ASIC2: variants seen among roughly 807,000 people sequenced by gnomAD.
The protein encoded by ASIC2 is acid sensing ion channel subunit 2, also known as acid-sensing ion channel 2.
A neutral mutation model predicts 57.3 loss-of-function variants in ASIC2; 25 were observed. That is an observed-to-expected ratio of 0.44 (90% CI 0.32 to 0.61). ASIC2 has a LOEUF of 0.61. Among genes scored for constraint, ASIC2 ranks in the 20% least tolerant of loss-of-function variants. The pLI, the probability that ASIC2 is intolerant of heterozygous loss-of-function variation, is 0.06. For synonymous variants in ASIC2, 319 were observed against 307.5 expected (o/e 1.04, Z -0.39); for missense variants, 641 against 738.1 (o/e 0.87, Z 1.52).
chr17:33,613,533 T>G (rs1488916141), intron 1 of ASIC2, among the ~76,000 whole-genome samples: 4 of 148,292 alleles, frequency 2.7e-5, no homozygotes, highest in African/African-American at 1.0e-4. Context: ...CCCAGCTAAT[T>G]TTTTGTGTTT....
chr17:33,721,075 T>C (rs566936871), intron 1 of ASIC2, among the ~76,000 whole-genome samples: 1 of 152,284 alleles, frequency 6.6e-6, no homozygotes, highest in South Asian at 2.1e-4. Flanking sequence ...CCTCTACTCC[T>C]TAGAACATAG....
At chr17:34,003,794 C>G (rs1214580323) in intron 1 of ASIC2, 1 of 152,268 alleles carries the variant, frequency 6.6e-6, no homozygotes, top group Non-Finnish European at 1.5e-5. Flanking sequence ...CTGCCTCTGA[C>G]CACAGCGAGC....
intron 1 of ASIC2, among the ~76,000 whole-genome samples, chr17:33,595,673 T>G (rs1454721478): frequency 6.6e-6 from 1 of 152,272 alleles, no homozygotes; most frequent in Non-Finnish European, 1.5e-5. Context: ...GGTAAGTTAC[T>G]CAGCATCCCT....
At chr17:33,149,956 A>T (rs913345872) in intron 1 of ASIC2, among the ~76,000 whole-genome samples, 5 of 152,182 alleles carry the variant, frequency 3.3e-5, no homozygotes, top group African/African-American at 1.2e-4. Context: ...CAGATAATTC[A>T]TGAGGTTCAT....
intron 1 of ASIC2, among the ~76,000 whole-genome samples, chr17:33,332,609 G>T (rs375150361): frequency 1.3e-5 from 2 of 152,084 alleles, no homozygotes; most frequent in African/African-American, 2.4e-5. Context: ...TCAGATTCAC[G>T]GCCAGGCATG....
At chr17:33,070,236 A>G in intron 3 of ASIC2, among the ~76,000 whole-genome samples, 1 of 152,246 alleles carries the variant, frequency 6.6e-6, no homozygotes, top group Non-Finnish European at 1.5e-5. Context: ...TGTTGTTATT[A>G]TTTAAGCATT....
intron 1 of ASIC2, among the ~76,000 whole-genome samples, chr17:33,391,121 G>A (rs1037103477): frequency 1.1e-4 from 16 of 152,202 alleles, no homozygotes; most frequent in Admixed American, 7.2e-4. Context: ...CAGAATATGA[G>A]AGCTGAAATG....
At chr17:33,990,156 A>G (rs1368133033) in intron 1 of ASIC2, among the ~76,000 whole-genome samples, 1 of 152,202 alleles carries the variant, frequency 6.6e-6, no homozygotes, top group African/African-American at 2.4e-5. Context: ...CATCCAGAGA[A>G]GCAGCAGTAT....
intron 1 of ASIC2, among the ~76,000 whole-genome samples, chr17:33,481,603 A>T (rs1447683308): frequency 6.6e-6 from 1 of 152,148 alleles, no homozygotes; most frequent in South Asian, 2.1e-4. Flanking sequence ...TGTTTGAGAA[A>T]TAGTCGTTGA....
intron 1 of ASIC2, among the ~76,000 whole-genome samples, chr17:33,390,764 T>G (rs1504577): frequency 0.96 from 146,128 of 152,326 alleles, 70,139 homozygotes; most frequent in East Asian, 0.98. Context: ...GCACGGGACA[T>G]CATGCAAGAC....
intron 1 of ASIC2, among the ~76,000 whole-genome samples, chr17:33,655,249 G>C (rs1464436367): frequency 1.3e-5 from 2 of 152,180 alleles, no homozygotes; most frequent in Admixed American, 6.5e-5. Context: ...CGTTGCCTTG[G>C]AGATTACTGT....
intron 1 of ASIC2, among the ~76,000 whole-genome samples, chr17:33,229,455 C>T (rs1268219631): frequency 6.6e-6 from 1 of 152,168 alleles, no homozygotes; most frequent in Non-Finnish European, 1.5e-5. Flanking sequence ...TGGCTACACG[C>T]AGGGCAGAGA....
intron 1 of ASIC2, among the ~76,000 whole-genome samples, chr17:34,088,882 C>G (rs901599637): frequency 2.0e-5 from 3 of 152,192 alleles, no homozygotes; most frequent in Non-Finnish European, 4.4e-5. Context: ...TTTTTAAGCC[C>G]GTCGGAAAAG....
intron 1 of ASIC2, among the ~76,000 whole-genome samples, chr17:34,000,451 C>T (rs1269663245): frequency 3.9e-5 from 6 of 152,068 alleles, no homozygotes; most frequent in African/African-American, 1.4e-4. Context: ...TGGGGTTTCT[C>T]CATGTTGGTC....
At chr17:33,662,742 C>CTCCT (rs1907328746) in intron 1 of ASIC2, among the ~76,000 whole-genome samples, 2 of 133,974 alleles carry the variant, frequency 1.5e-5, no homozygotes, top group Admixed American at 8.3e-5. Flanking sequence ...CCCTCCTTCC[C>CTCCT]TCCCTTCCTT....
At chr17:34,010,864 A>G (rs910554603) in intron 1 of ASIC2, among the ~76,000 whole-genome samples, 1 of 151,966 alleles carries the variant, frequency 6.6e-6, no homozygotes, top group Non-Finnish European at 1.5e-5. Flanking sequence ...CCTTCAATCC[A>G]CTGCAACCCC....
At chr17:33,580,123 T>G (rs966896291) in intron 1 of ASIC2, 2 of 152,026 alleles carry the variant, frequency 1.3e-5, no homozygotes, top group Non-Finnish European at 2.9e-5. Flanking sequence ...AACTCCAGGG[T>G]TGGTACCCAC....
intron 1 of ASIC2, among the ~76,000 whole-genome samples, chr17:33,646,305 T>G: frequency 6.6e-6 from 1 of 152,104 alleles, no homozygotes; most frequent in East Asian, 1.9e-4. Flanking sequence ...GGCATAAGAC[T>G]TGGATAAGGA....
At chr17:33,427,290 C>T (rs541023668) in intron 1 of ASIC2, among the ~76,000 whole-genome samples, 33 of 152,284 alleles carry the variant, frequency 2.2e-4, no homozygotes, top group African/African-American at 7.7e-4. Flanking sequence ...AGCCTCTGTA[C>T]AGGGGAAAAC....
Sources: allele counts gnomAD v4.1 joint callset (sites outside exome capture counted in the v4.1 genomes callset), GRCh38; gene constraint gnomAD v4.1.1; transcripts MANE v1.5; gene names NCBI Gene and HGNC (gene_info 2026-07-23, HGNC 2026-07-21).